Variants in DSCAML1 observed in about 807,000 individuals in gnomAD.
The protein encoded by DSCAML1 is cell adhesion molecule DSCAML1.
In DSCAML1, 38 loss-of-function variants were observed where a neutral mutation model predicts 200.5. The observed-to-expected ratio is 0.19, with a 90% CI of 0.15 to 0.25. The LOEUF is 0.25. Ranked by LOEUF, DSCAML1 falls within the 10% of genes least tolerant of loss-of-function variation. The pLI is 1.00. For synonymous variants in DSCAML1, 1,215 were observed against 1,165.0 expected, an observed-to-expected ratio of 1.04 and a Z score of -0.87; for missense variants, 2,223 against 2,858.8, an observed-to-expected ratio of 0.78 and a Z score of 5.07.
intron 3 of DSCAML1, among the ~76,000 whole-genome samples, chr11:117,587,314 T>C (rs1591296761): frequency 7.1e-6 from 1 of 140,272 alleles, no homozygotes; most frequent in Non-Finnish European, 1.5e-5. Flanking sequence ...ACACAGAGGG[T>C]GGGAAAAGGT....
intron 3 of DSCAML1, among the ~76,000 whole-genome samples, chr11:117,639,153 C>T (rs901486590): frequency 3.3e-5 from 5 of 152,080 alleles, no homozygotes; most frequent in African/African-American, 1.2e-4. Context: ...CTTGTCATCC[C>T]AAGTGTGCAA....
At chr11:117,662,756 G>C (rs991075775) in intron 3 of DSCAML1, among the ~76,000 whole-genome samples, 3 of 152,162 alleles carry the variant, frequency 2.0e-5, no homozygotes, top group African/African-American at 7.2e-5. Flanking sequence ...CTCTTAAATA[G>C]GGGTTAACAA....
At chr11:117,575,846 C>CCAAAA (rs36226708) in intron 3 of DSCAML1, among the ~76,000 whole-genome samples, 3,702 of 150,406 alleles carry the variant, frequency 0.025, 117 homozygotes, top group African/African-American at 0.067. Flanking sequence ...CAAAAACAAC[C>CCAAAA]CAAAACAAAA....
At chr11:117,483,836 C>T (rs2048980005) in intron 11 of DSCAML1, among the ~76,000 whole-genome samples, 1 of 152,150 alleles carries the variant, frequency 6.6e-6, no homozygotes, top group African/African-American at 2.4e-5. Context: ...CAGGAGCCAT[C>T]CTGGAGTATA....
chr11:117,500,945 G>T (rs751205500), intron 11 of DSCAML1, among the ~76,000 whole-genome samples: 15 of 152,168 alleles, frequency 9.9e-5, no homozygotes, highest in Non-Finnish European at 1.8e-4. Context: ...ACTTTCCCGA[G>T]TGTATTAGGG....
intron 20 of DSCAML1, among the ~76,000 whole-genome samples, chr11:117,449,044 G>A (rs2048234189): frequency 6.6e-6 from 1 of 152,140 alleles, no homozygotes; most frequent in Non-Finnish European, 1.5e-5. Context: ...GAATGAATGA[G>A]CTATAACCAC....
At chr11:117,650,687 G>GTT (rs1235148173) in intron 3 of DSCAML1, among the ~76,000 whole-genome samples, 2 of 139,538 alleles carry the variant, frequency 1.4e-5, no homozygotes, top group Non-Finnish European at 3.2e-5. Flanking sequence ...GTGTGTGTGT[G>GTT]TGTGTGTGTG....
In DSCAML1 at chr11:117,524,704, C is replaced by A. The variant is rs571671964; in HGVS notation, c.937+101G>T. ...CAGTCAGCCAGGGTTATTCCCAGGG[C>A]CTGGTCAGAGACAGGTCCAGCTGTC... On this transcript the variant is annotated intron_variant, in intron 5 of 32. Coordinates refer to ENST00000651296, the MANE Select transcript of DSCAML1 (RefSeq NM_020693.4). 1.8e-5 allele frequency: 25 copies of A among 1,404,896 alleles called. No individual in the cohort carries two copies. In the African/African-American group the frequency reaches 3.7e-4, roughly 21 times the overall value. The allele number at this position is 1,404,896 out of a possible 1,614,324, so 87.0% of individuals were successfully genotyped here.
intron 3 of DSCAML1, among the ~76,000 whole-genome samples, chr11:117,559,387 A>T (rs1371674964): frequency 2.0e-5 from 3 of 152,168 alleles, no homozygotes; most frequent in Non-Finnish European, 4.4e-5. Context: ...TTTCGTAACC[A>T]ACTGCAAATT....
At chr11:117,641,932 A>T (rs1269516640) in intron 3 of DSCAML1, among the ~76,000 whole-genome samples, 1 of 152,116 alleles carries the variant, frequency 6.6e-6, no homozygotes, top group African/African-American at 2.4e-5. Flanking sequence ...AGACTCAGGG[A>T]CCTCATGGTA....
intron 11 of DSCAML1, among the ~76,000 whole-genome samples, chr11:117,483,886 A>AC (rs1203454290): frequency 6.6e-6 from 1 of 150,994 alleles, no homozygotes; most frequent in Non-Finnish European, 1.5e-5. Flanking sequence ...AGAATCGGAA[A>AC]CCCCCCACCC....
At chr11:117,449,607 CCTGCTCCTGCTT>C (rs1051527439) in intron 20 of DSCAML1, among the ~76,000 whole-genome samples, 2 of 152,140 alleles carry the variant, frequency 1.3e-5, no homozygotes, top group African/African-American at 2.4e-5. Flanking sequence ...GAGCAGGCCT[CCTGCTCCTGCTT>C]CTGCTCCTTG....
chr11:117,448,617 C>T (rs1172513787), intron 20 of DSCAML1, among the ~76,000 whole-genome samples: 1 of 133,754 alleles, frequency 7.5e-6, no homozygotes, highest in Non-Finnish European at 1.5e-5. Flanking sequence ...GTCCTGAGAG[C>T]CTAGAATGTG....
At chr11:117,544,670 C>A (rs7111299) in intron 3 of DSCAML1, among the ~76,000 whole-genome samples, 40,755 of 152,042 alleles carry the variant, frequency 0.27, 5,909 homozygotes, top group African/African-American at 0.36. Flanking sequence ...GGATTGTAAA[C>A]CCTCAACTCA....
At chr11:117,619,302 G>A (rs1034606783) in intron 3 of DSCAML1, among the ~76,000 whole-genome samples, 3 of 152,204 alleles carry the variant, frequency 2.0e-5, no homozygotes, top group African/African-American at 4.8e-5. Context: ...CAGCAGAGGC[G>A]TGGCTATTGG....
intron 3 of DSCAML1, among the ~76,000 whole-genome samples, chr11:117,687,426 A>ATTTTAAATTT (rs552784985): frequency 0.11 from 10,671 of 98,068 alleles, 886 homozygotes; most frequent in African/African-American, 0.22. Context: ...ATGCCTGGCT[A>ATTTTAAATTT]TTTTTTTTTT....
rs1405366524 is a variant in DSCAML1, at chr11:117,642,736, G to A, written c.512-110214C>T. ...CTGGCTCAGATGAAGACGTCAGACTGGCGGGGCTGAGAAACACCCCTGGTG... is the reference window on the plus strand; with the variant it reads ...CTGGCTCAGATGAAGACGTCAGACTAGCGGGGCTGAGAAACACCCCTGGTG... On this transcript the variant is annotated intron_variant, in intron 3 of 32. Coordinates refer to ENST00000651296, the MANE Select transcript of DSCAML1 (RefSeq NM_020693.4). This position sits in a 1 kb window ranked among gnomAD's most constrained non-coding sequence, Gnocchi z 4.1. Among the ~76,000 whole-genome samples, 1 of 152,186 alleles carries A rather than the reference G, an allele frequency of 6.6e-6. No homozygotes were observed. Among genetic ancestry groups the A allele is most frequent in the Non-Finnish European group, 1.5e-5 (1 of 68,026 alleles).
In DSCAML1 at chr11:117,518,685, C is replaced by A; in HGVS notation, c.1291G>T (p.Ala431Ser). The A allele has an allele frequency of 6.2e-7, 1 of 1,613,252 alleles. No individual in the cohort carries two copies. The highest frequency in any genetic ancestry group is 8.5e-7 in the Non-Finnish European group (1 of 1,179,982). Reference sequence around the variant, plus strand: ...ACCGTGGGGGGCGGGGCGCCCTTGGCCGCACACATCAGTGAGAACTGCTCC... The same window carrying A: ...ACCGTGGGGGGCGGGGCGCCCTTGGACGCACACATCAGTGAGAACTGCTCC... ...PGEQFSLMCA[A>S]KGAPPPTVTW... is the part of the protein sequence containing the mutation. The change falls in exon 7 of 33, where the codon GCC becomes TCC. Residue 431 changes from alanine (A) to serine (S), a missense_variant. Ala to Ser is a moderately conservative substitution (Grantham distance 99). Transcript: ENST00000651296. This position sits in a 1 kb window ranked among gnomAD's most constrained non-coding sequence, Gnocchi z 6.3.
intron 8 of DSCAML1, among the ~76,000 whole-genome samples, chr11:117,510,660 C>T (rs2049600835): frequency 1.3e-5 from 2 of 152,156 alleles, no homozygotes; most frequent in African/African-American, 2.4e-5. Flanking sequence ...TGTAAACTCC[C>T]TGATGGCAGG....
Sources: allele counts gnomAD v4.1 joint callset (sites outside exome capture counted in the v4.1 genomes callset), GRCh38; gene constraint gnomAD v4.1.1; non-coding constraint Gnocchi (gnomAD v3.1); transcripts MANE v1.5; gene names NCBI Gene and HGNC (gene_info 2026-07-23, HGNC 2026-07-21).